HDX: variants seen among roughly 807,000 people sequenced by gnomAD.
The protein encoded by HDX is highly divergent homeobox.
In HDX, 19 loss-of-function variants were observed where a neutral mutation model predicts 45.2. The ratio of observed to expected loss-of-function variants is 0.42; its 90% CI spans 0.29 to 0.62. HDX has a LOEUF of 0.62. Ranked by LOEUF, HDX falls within the 20% of genes least tolerant of loss-of-function variation. The probability of loss-of-function intolerance (pLI) is 0.20; values close to 1 mark genes in which losing one functional copy is unlikely to be tolerated. For missense variants in HDX, 532 were observed against 493.9 expected, an observed-to-expected ratio of 1.08 and a Z score of -0.73; for synonymous variants, 188 against 172.8, an observed-to-expected ratio of 1.09 and a Z score of -0.69.
In HDX at chrX:84,321,940, G is replaced by T. The variant is rs745521472; in HGVS notation, c.2022C>A (p.Thr674=). 2.6e-6 allele frequency: 3 copies of T among 1,172,984 alleles called. No homozygotes were observed. The highest frequency in any genetic ancestry group is 6.0e-5 in the East Asian group (2 of 33,271). The change falls in exon 11 of 11, where the codon ACC becomes ACA. Residue 674 remains threonine, a synonymous_variant. Transcript: ENST00000373177. ...FNHASLEPDD[T]SFSVSSLSEK... is the part of the protein sequence containing the mutation. ...CTGACAAAGAAGATACACTGAATGA[G>T]GTATCATCAGGCTCCAGTGAGGCAT...
intron 5 of HDX, among the ~76,000 whole-genome samples, chrX:84,369,431 C>T (rs1602327456): frequency 9.0e-6 from 1 of 111,498 alleles, no homozygotes; most frequent in East Asian, 2.8e-4. Context: ...GAATATATAC[C>T]CAGAAGTGGA....
chrX:84,401,832 A>G (rs1441850763), intron 5 of HDX, among the ~76,000 whole-genome samples: 1 of 112,510 alleles, frequency 8.9e-6, no homozygotes, highest in East Asian at 2.8e-4. Context: ...ATAGGTTGGA[A>G]AAATAAAATG....
chrX:84,481,616 C>T lies in HDX; in HGVS notation c.1-6219G>A, dbSNP rs781390050. Among the ~76,000 whole-genome samples, 13 of 112,041 alleles carry T rather than the reference C, an allele frequency of 1.2e-4. No individual in the cohort carries two copies. The East Asian group carries it at 3.4e-3, about 29-fold the overall frequency. On this transcript the variant is annotated intron_variant, in intron 2 of 10. Coordinates refer to ENST00000373177, the MANE Select transcript of HDX (RefSeq NM_001177479.2). ...AATTGGGGTCTGTTTTCCCTCTCTA[C>T]AGGTGACTTTTCTCACCTTTTTAAG...
chrX:84,461,386 A>G (rs1227627940), intron 4 of HDX, among the ~76,000 whole-genome samples: 2 of 111,332 alleles, frequency 1.8e-5, no homozygotes, highest in African/African-American at 6.5e-5. Flanking sequence ...CAGTGAACTC[A>G]TGCTTGACAA....
Position 84,440,516 on chromosome X carries a change from A to G in HDX, c.1305+16T>C, listed in dbSNP as rs1481851735. ...AGGGGAAACCCATTTGCTGCTTTAA[A>G]TGAAAGATTACTTACTGCTCTTTTT... On this transcript the variant is annotated intron_variant, in intron 5 of 10. Transcript: ENST00000373177. The G allele has an allele frequency of 3.5e-6, 4 of 1,128,407 alleles. No individual in the cohort carries two copies. Among genetic ancestry groups the G allele is most frequent in the Non-Finnish European group, 4.9e-6 (4 of 823,060 alleles). The allele number at this position is 1,128,407 out of a possible 1,213,427, so 93.0% of individuals were successfully genotyped here. A position where few individuals can be genotyped will look rare whatever the true frequency, so the allele number is the denominator to read the frequency against.
chrX:84,357,821 G>C (rs1015094471), intron 6 of HDX, among the ~76,000 whole-genome samples: 1 of 112,341 alleles, frequency 8.9e-6, no homozygotes, highest in Non-Finnish European at 1.9e-5. Context: ...AGTTTGGTAT[G>C]ACCATGTGAC....
chrX:84,402,359 G>A (rs2038726168), intron 5 of HDX, among the ~76,000 whole-genome samples: 1 of 111,679 alleles, frequency 9.0e-6, no homozygotes, highest in South Asian at 3.7e-4. Flanking sequence ...ACAGTGTTAT[G>A]TATTAAATAT....
intron 4 of HDX, among the ~76,000 whole-genome samples, chrX:84,459,045 C>T (rs983573418): frequency 9.0e-6 from 1 of 111,704 alleles, no homozygotes; most frequent in African/African-American, 3.3e-5. Context: ...CCTCTGGTCA[C>T]AATGGAATAA....
chrX:84,430,747 T>C (rs1411971082), intron 5 of HDX, among the ~76,000 whole-genome samples: 1 of 110,310 alleles, frequency 9.1e-6, no homozygotes, highest in Non-Finnish European at 1.9e-5. Context: ...TACATTGTGG[T>C]TTTGATTAGT....
At chrX:84,469,727 A>G (rs974076150) in intron 3 of HDX, 152 bp from the exon 4 acceptor site, 4 of 458,236 alleles carry the variant, frequency 8.7e-6, no homozygotes, top group South Asian at 4.4e-5. Context: ...AAAACTGACT[A>G]AAGTACAAAG....
chrX:84,491,636 T>C (rs1331633431), intron 1 of HDX, among the ~76,000 whole-genome samples: 2 of 111,869 alleles, frequency 1.8e-5, no homozygotes, highest in Non-Finnish European at 3.8e-5. Context: ...TGTCTGTTTT[T>C]GTAGTATTTG....
At chrX:84,336,968 AT>A in intron 7 of HDX, 88 bp from the exon 8 acceptor site, 2 of 593,542 alleles carry the variant, frequency 3.4e-6, no homozygotes, top group Non-Finnish European at 5.1e-6. Context: ...TAATTTCTCT[AT>A]TATAAAAAGA....
At chrX:84,386,861 G>T (rs1031201912) in intron 5 of HDX, among the ~76,000 whole-genome samples, 37 of 110,842 alleles carry the variant, frequency 3.3e-4, no homozygotes, top group Admixed American at 2.8e-3. Context: ...TCTAATTTTA[G>T]TTATTTATTT....
chrX:84,385,571 T>G (rs140050649), intron 5 of HDX, among the ~76,000 whole-genome samples: 2,184 of 110,535 alleles, frequency 0.02, 52 homozygotes, highest in African/African-American at 0.069. Context: ...ATCTTTCACC[T>G]TCTTGGTGAG....
intron 5 of HDX, among the ~76,000 whole-genome samples, chrX:84,398,699 G>A (rs2038625383): frequency 1.8e-5 from 2 of 111,977 alleles, no homozygotes; most frequent in Non-Finnish European, 3.8e-5. Context: ...CGTGAACTCA[G>A]TTCTGGATCA....
intron 1 of HDX, among the ~76,000 whole-genome samples, chrX:84,496,171 A>C (rs1408371976): frequency 1.8e-5 from 2 of 112,094 alleles, no homozygotes; most frequent in African/African-American, 6.5e-5. Flanking sequence ...GATACAATGC[A>C]TACTTCAGAA....
intron 9 of HDX, 76 bp from the exon 10 acceptor site, chrX:84,326,376 T>G: frequency 1.3e-6 from 1 of 759,887 alleles, no homozygotes; most frequent in Non-Finnish European, 1.9e-6. Flanking sequence ...CACAATAAAA[T>G]TCTAAAAAAC....
At chrX:84,465,535 T>G (rs923268774) in intron 4 of HDX, among the ~76,000 whole-genome samples, 2 of 111,863 alleles carry the variant, frequency 1.8e-5, no homozygotes, top group African/African-American at 6.5e-5. Context: ...ATGGATGAAG[T>G]TGGAAACCAT....
chrX:84,430,059 A>G (rs1003490375), intron 5 of HDX, among the ~76,000 whole-genome samples: 3 of 110,265 alleles, frequency 2.7e-5, no homozygotes, highest in Admixed American at 1.9e-4. Context: ...GCTATTTGAT[A>G]CTAATAACTA....
Sources: gnomAD v4.1 joint callset for allele counts (sites outside exome capture counted in the v4.1 genomes callset) on GRCh38, gnomAD v4.1.1 for gene constraint, MANE v1.5 for transcripts, NCBI Gene and HGNC (gene_info 2026-07-23, HGNC 2026-07-21) for gene names.